The following TBX15 variants were observed in gnomAD, a reference collection of about 807,000 sequenced individuals.
The protein encoded by TBX15 is T-box transcription factor TBX15.
Under a neutral mutation model 53.9 loss-of-function variants are expected in TBX15, and 18 were observed. The ratio of observed to expected loss-of-function variants is 0.33; its 90% CI spans 0.23 to 0.49. The LOEUF (loss-of-function observed/expected upper bound fraction) is 0.49. Among genes scored for constraint, TBX15 ranks in the 20% least tolerant of loss-of-function variants. The pLI is 0.98. For missense variants in TBX15, 692 were observed against 749.5 expected (o/e 0.92, Z 0.90); for synonymous variants, 295 against 278.0 (o/e 1.06, Z -0.61).
At chr1:118,956,484 A>G (rs191189042) in intron 1 of TBX15, among the ~76,000 whole-genome samples, 1 of 152,332 alleles carries the variant, frequency 6.6e-6, no homozygotes, top group African/African-American at 2.4e-5. Context: ...AACTGTGTAA[A>G]GGGTATACAT....
chr1:118,975,456 A>G (rs900389060), intron 1 of TBX15, among the ~76,000 whole-genome samples: 4 of 152,232 alleles, frequency 2.6e-5, no homozygotes, highest in Non-Finnish European at 4.4e-5. Context: ...TTCCACCTAC[A>G]AAGGTTCAAC....
At chr1:118,927,087 A>G (rs1455733962) in intron 2 of TBX15, among the ~76,000 whole-genome samples, 2 of 152,200 alleles carry the variant, frequency 1.3e-5, no homozygotes, top group African/African-American at 4.8e-5. Context: ...TAATTCTCAA[A>G]GTTGACTAAT....
intron 1 of TBX15, among the ~76,000 whole-genome samples, chr1:118,935,735 A>G (rs1655947180): frequency 6.6e-6 from 1 of 152,224 alleles, no homozygotes; most frequent in African/African-American, 2.4e-5. Flanking sequence ...ATGCTGTAAC[A>G]CTAAGTTCCC....
At chr1:118,973,612 G>T (rs1305548824) in intron 1 of TBX15, among the ~76,000 whole-genome samples, 1 of 152,060 alleles carries the variant, frequency 6.6e-6, no homozygotes, top group Non-Finnish European at 1.5e-5. Context: ...TAAGAATTTG[G>T]GCAGGAAAAT....
At chr1:118,933,737 G>T (rs1259081042) in intron 1 of TBX15, among the ~76,000 whole-genome samples, 2 of 152,020 alleles carry the variant, frequency 1.3e-5, no homozygotes, top group Non-Finnish European at 2.9e-5. Flanking sequence ...CCTATTTTGT[G>T]TCTGGGATAT....
chr1:118,893,352 GGAAGGAAAGAAAGAAAGAAAGAAA>G (rs796441057), intron 7 of TBX15, among the ~76,000 whole-genome samples: 3,659 of 62,846 alleles, frequency 0.058, 171 homozygotes, highest in Non-Finnish European at 0.076. Flanking sequence ...AAGGAAGGAA[GGAAGGAAAGAAAGAAAGAAAGAAA>G]GAAAGAAAGA....
chr1:118,951,504 TG>T (rs1334789069), intron 1 of TBX15, among the ~76,000 whole-genome samples: 1 of 152,194 alleles, frequency 6.6e-6, no homozygotes, highest in African/African-American at 2.4e-5. Flanking sequence ...AGGAGATATG[TG>T]GAGACCCAGA....
At chr1:118,896,895 C>T (rs1384484667) in intron 7 of TBX15, among the ~76,000 whole-genome samples, 1 of 152,152 alleles carries the variant, frequency 6.6e-6, no homozygotes, top group Admixed American at 6.5e-5. Context: ...TCTGGATCAA[C>T]TTCAATGGAT....
upstream of TBX15, among the ~76,000 whole-genome samples, chr1:118,988,761 T>C (rs1289581226): frequency 6.6e-6 from 1 of 152,206 alleles, no homozygotes; most frequent in Non-Finnish European, 1.5e-5. Flanking sequence ...CGTCAGCCCC[T>C]AGGTGCTTTA....
At chr1:118,957,031 A>G (rs1004097390) in intron 1 of TBX15, among the ~76,000 whole-genome samples, 9 of 152,136 alleles carry the variant, frequency 5.9e-5, no homozygotes, top group Non-Finnish European at 8.8e-5. Context: ...AAGAACATTC[A>G]GCCTAACAAA....
chr1:118,913,055 A>G (rs1229821609), intron 6 of TBX15, among the ~76,000 whole-genome samples: 1 of 152,202 alleles, frequency 6.6e-6, no homozygotes, highest in African/African-American at 2.4e-5. Context: ...TTGTAAAGAA[A>G]ATGATTGCCA....
intron 7 of TBX15, chr1:118,890,767 A>T: frequency 4.9e-6 from 3 of 609,578 alleles, no homozygotes; most frequent in Admixed American, 3.8e-5. Context: ...TTCTTTTTCA[A>T]TTTATTTTGC....
At chr1:118,901,341 C>A (rs144780828) in intron 6 of TBX15, 1 of 456,384 alleles carries the variant, frequency 2.2e-6, no homozygotes, top group Non-Finnish European at 4.4e-6. Context: ...CAGGAACACA[C>A]TCCTGTGTTA....
At chr1:118,899,288 G>C (rs911968311) in intron 6 of TBX15, among the ~76,000 whole-genome samples, 163 bp from the exon 7 acceptor site, 1 of 152,142 alleles carries the variant, frequency 6.6e-6, no homozygotes, top group Admixed American at 6.5e-5. Context: ...GTACAATGAT[G>C]CTGGACTGCA....
chr1:118,923,377 C>G, intron 5 of TBX15, 59 bp downstream of exon 5: 2 of 1,604,870 alleles, frequency 1.2e-6, no homozygotes, highest in Non-Finnish European at 1.7e-6. Context: ...CCTAAGGAAT[C>G]TTATGCAGAA....
At chr1:118,924,128 A>T (rs562594265) in intron 4 of TBX15, among the ~76,000 whole-genome samples, 9 of 152,206 alleles carry the variant, frequency 5.9e-5, no homozygotes, top group African/African-American at 9.6e-5. Context: ...TTCCCATAGC[A>T]CCCAGTATGG....
chr1:118,931,918 A>T, intron 1 of TBX15, 86 bp from the exon 2 acceptor site: 1 of 1,355,470 alleles, frequency 7.4e-7, no homozygotes, highest in South Asian at 1.3e-5. Flanking sequence ...GGGAAATGCA[A>T]TGAAGTGGGG....
At chr1:118,957,297 C>G (rs1656723883) in intron 1 of TBX15, among the ~76,000 whole-genome samples, 1 of 152,048 alleles carries the variant, frequency 6.6e-6, no homozygotes, top group African/African-American at 2.4e-5. Flanking sequence ...AGACCTTGCC[C>G]CTTTGACTTA....
At chr1:118,936,898 A>G (rs1421864202) in intron 1 of TBX15, among the ~76,000 whole-genome samples, 1 of 152,164 alleles carries the variant, frequency 6.6e-6, no homozygotes, top group Admixed American at 6.5e-5. Context: ...CTTTGCCTTG[A>G]CTAGGTTACA....
Sources: allele counts gnomAD v4.1 joint callset (sites outside exome capture counted in the v4.1 genomes callset), GRCh38; gene constraint gnomAD v4.1.1; transcripts MANE v1.5; gene names NCBI Gene and HGNC (gene_info 2026-07-23, HGNC 2026-07-21).